The following FRMD6 variants were observed in gnomAD, a reference collection of about 807,000 sequenced individuals.
FRMD6 encodes the protein FERM domain-containing protein 6.
In FRMD6, 37 loss-of-function variants were observed where a neutral mutation model predicts 73.2. That is an observed-to-expected ratio of 0.51 (90% CI 0.39 to 0.66). The LOEUF (loss-of-function observed/expected upper bound fraction) is 0.66. Among genes scored for constraint, FRMD6 ranks in the 30% least tolerant of loss-of-function variants. The probability of loss-of-function intolerance (pLI) is 0.00; values close to 1 mark genes in which losing one functional copy is unlikely to be tolerated. For missense variants in FRMD6, 714 were observed against 780.5 expected (o/e 0.91, Z 1.02); for synonymous variants, 273 against 282.2 (o/e 0.97, Z 0.33).
chr14:51,648,618 G>A (rs945402303), upstream of FRMD6, among the ~76,000 whole-genome samples: 9 of 152,158 alleles, frequency 5.9e-5, no homozygotes, highest in Non-Finnish European at 8.8e-5. Context: ...GGGGATGTTT[G>A]ATGCTCTCCC....
chr14:51,708,207 G>T lies in FRMD6; in HGVS notation c.688G>T (p.Ala230Ser), dbSNP rs374236968. The change falls in exon 7 of 14, where the codon GCT (alanine) becomes TCT (serine). Residue 230 changes from alanine to serine, a missense_variant. Ala to Ser is a moderately conservative substitution (Grantham distance 99). Coordinates refer to ENST00000344768, the MANE Select transcript of FRMD6 (RefSeq NM_001267046.2). ...IKEAVRLDDV[A>S]VHYYRLYKDK... is the part of the protein sequence containing the mutation. The stretch of plus-strand genomic sequence containing the variant: ...AGAGGCTGTCCGACTGGATGACGTC[G>T]CTGTTCATTACTACAGATTGTATAA... 2 of 1,612,916 alleles carry T rather than the reference G, an allele frequency of 1.2e-6. No individual in the cohort carries two copies. The highest frequency in any genetic ancestry group is 1.1e-5 in the South Asian group (1 of 91,036).
At chr14:51,477,027 A>C in the FRMD6 span, among the ~76,000 whole-genome samples, 1 of 152,264 alleles carries the variant, frequency 6.6e-6, no homozygotes, top group Non-Finnish European at 1.5e-5. Context: ...TCTAGGAGTT[A>C]CATTTGTTCC....
chr14:51,625,801 A>G (rs530052610), intron 2 of FRMD6, among the ~76,000 whole-genome samples: 4 of 152,132 alleles, frequency 2.6e-5, no homozygotes, highest in South Asian at 2.1e-4. Flanking sequence ...AGCTTTCCCT[A>G]TTCTCCTCAG....
At chr14:51,705,150 T>C (rs930576285) in intron 6 of FRMD6, among the ~76,000 whole-genome samples, 1 of 152,100 alleles carries the variant, frequency 6.6e-6, no homozygotes, top group Admixed American at 6.6e-5. Flanking sequence ...TTGCCATCCA[T>C]CCTGATAATA....
chr14:51,540,773 T>C (rs1461709341), intron 1 of FRMD6, among the ~76,000 whole-genome samples: 3 of 152,078 alleles, frequency 2.0e-5, no homozygotes, highest in Non-Finnish European at 2.9e-5. Context: ...GAAATAATTG[T>C]TTTGCTGTCA....
At chr14:51,516,745 A>T (rs1884657969) in intron 1 of FRMD6, among the ~76,000 whole-genome samples, 1 of 152,256 alleles carries the variant, frequency 6.6e-6, no homozygotes, top group African/African-American at 2.4e-5. Flanking sequence ...GATGGCACTT[A>T]GAATAAAATG....
intron 2 of FRMD6, among the ~76,000 whole-genome samples, chr14:51,644,342 T>G (rs1266068231): frequency 6.8e-6 from 1 of 146,866 alleles, no homozygotes; most frequent in Non-Finnish European, 1.5e-5. Flanking sequence ...CAGATTTCTC[T>G]GCCTCACCCT....
chr14:51,428,688 A>C, the FRMD6 span, among the ~76,000 whole-genome samples: 1 of 152,140 alleles, frequency 6.6e-6, no homozygotes, highest in Non-Finnish European at 1.5e-5. Flanking sequence ...GGGCTACAGC[A>C]GATTAAAGAT....
At chr14:51,438,112 G>T in the FRMD6 span, among the ~76,000 whole-genome samples, 1 of 152,210 alleles carries the variant, frequency 6.6e-6, no homozygotes, top group Non-Finnish European at 1.5e-5. Flanking sequence ...CAAAGGGTGG[G>T]TTGGAGATGT....
chr14:51,508,111 T>C (rs1225237382), intron 1 of FRMD6, among the ~76,000 whole-genome samples: 6 of 152,168 alleles, frequency 3.9e-5, no homozygotes, highest in Admixed American at 6.5e-5. Flanking sequence ...TCCCTGCAGC[T>C]GCTAAAGTGG....
the FRMD6 span, among the ~76,000 whole-genome samples, chr14:51,411,034 C>T: frequency 1.3e-5 from 2 of 152,098 alleles, no homozygotes; most frequent in African/African-American, 2.4e-5. Flanking sequence ...AGTTAGTTAA[C>T]CCCTGTCTTT....
chr14:51,704,564 C>A (rs1184011678), intron 5 of FRMD6, 185 bp from the exon 6 acceptor site: 1 of 549,622 alleles, frequency 1.8e-6, no homozygotes, highest in Admixed American at 3.1e-5. Context: ...GTTCTGACCC[C>A]CTGCAACCTC....
chr14:51,510,678 C>T (rs1011954469), intron 1 of FRMD6, among the ~76,000 whole-genome samples: 4 of 152,144 alleles, frequency 2.6e-5, no homozygotes, highest in South Asian at 2.1e-4. Flanking sequence ...TTAAATCACG[C>T]GTTGACCAGA....
chr14:51,512,746 C>A (rs900741110), intron 1 of FRMD6, among the ~76,000 whole-genome samples: 2 of 152,056 alleles, frequency 1.3e-5, no homozygotes, highest in African/African-American at 2.4e-5. Flanking sequence ...GATTCTTTCC[C>A]CCAGGCTGGA....
intron 1 of FRMD6, among the ~76,000 whole-genome samples, chr14:51,657,259 C>T (rs1892900474): frequency 6.6e-6 from 1 of 151,804 alleles, no homozygotes; most frequent in Non-Finnish European, 1.5e-5. Flanking sequence ...GAACTTGTTA[C>T]TGAATTATAC....
intron 2 of FRMD6, among the ~76,000 whole-genome samples, chr14:51,619,305 G>T (rs1196034486): frequency 6.6e-6 from 1 of 151,614 alleles, no homozygotes; most frequent in Non-Finnish European, 1.5e-5. Context: ...CTTACACAAA[G>T]ACTTCTGTGG....
intron 2 of FRMD6, among the ~76,000 whole-genome samples, chr14:51,613,044 G>C (rs975315819): frequency 3.3e-5 from 5 of 152,206 alleles, no homozygotes; most frequent in Non-Finnish European, 7.3e-5. Flanking sequence ...TGACTGGAAA[G>C]TATATAGGAA....
chr14:51,408,508 A>T, the FRMD6 span, among the ~76,000 whole-genome samples: 1 of 151,992 alleles, frequency 6.6e-6, no homozygotes, highest in Non-Finnish European at 1.5e-5. Flanking sequence ...ATTTCTTCTG[A>T]TCTCTCTTCC....
chr14:51,684,803 G>A (rs1435617056), intron 1 of FRMD6, among the ~76,000 whole-genome samples: 1 of 152,190 alleles, frequency 6.6e-6, no homozygotes, highest in Non-Finnish European at 1.5e-5. Context: ...TCATGTATAG[G>A]AAGCCAAACA....
Sources: gnomAD v4.1 joint callset for allele counts (sites outside exome capture counted in the v4.1 genomes callset) on GRCh38, gnomAD v4.1.1 for gene constraint, MANE v1.5 for transcripts, NCBI Gene and HGNC (gene_info 2026-07-23, HGNC 2026-07-21) for gene names.